The following TMEM131 variants were observed in gnomAD, a reference collection of about 807,000 sequenced individuals.
TMEM131 encodes the protein 2610524E03Rik.
A neutral mutation model predicts 211.6 loss-of-function variants in TMEM131; 66 were observed. The ratio of observed to expected loss-of-function variants is 0.31; its 90% CI spans 0.26 to 0.38. The LOEUF is 0.38. Ranked by LOEUF, TMEM131 falls within the 10% of genes least tolerant of loss-of-function variation. The pLI is 1.00. For missense variants in TMEM131, 2,036 were observed against 2,299.3 expected, an observed-to-expected ratio of 0.89 and a Z score of 2.34; for synonymous variants, 844 against 841.3, an observed-to-expected ratio of 1.00 and a Z score of -0.06.
intron 1 of TMEM131, among the ~76,000 whole-genome samples, chr2:97,936,357 G>A (rs1275894199): frequency 7.9e-5 from 12 of 152,222 alleles, no homozygotes; most frequent in Admixed American, 3.3e-4. Flanking sequence ...GTGCTCAGAA[G>A]AAACCTGAGA....
At chr2:97,804,832 C>T (rs931194314) in intron 22 of TMEM131, among the ~76,000 whole-genome samples, 5 of 152,176 alleles carry the variant, frequency 3.3e-5, no homozygotes, top group Admixed American at 2.6e-4. Flanking sequence ...ATAAGAACAA[C>T]TTCAAATATT....
chr2:97,875,273 A>AT (rs1674647127), intron 4 of TMEM131, among the ~76,000 whole-genome samples: 1 of 152,186 alleles, frequency 6.6e-6, no homozygotes, highest in African/African-American at 2.4e-5. Context: ...ATAGTGGGAG[A>AT]TTTTAACACC....
intron 1 of TMEM131, among the ~76,000 whole-genome samples, chr2:97,990,669 G>A (rs1680224354): frequency 6.6e-6 from 1 of 152,132 alleles, no homozygotes; most frequent in Non-Finnish European, 1.5e-5. Flanking sequence ...AGCAACATGT[G>A]GGGAAGAAAA....
At chr2:97,775,101 T>TTA (rs1295827442) in intron 32 of TMEM131, among the ~76,000 whole-genome samples, 1 of 152,148 alleles carries the variant, frequency 6.6e-6, no homozygotes, top group Non-Finnish European at 1.5e-5. Flanking sequence ...TGAAATCCAT[T>TTA]TATCTAAAAA....
intron 31 of TMEM131, among the ~76,000 whole-genome samples, chr2:97,784,553 G>T (rs1021239369): frequency 6.6e-6 from 1 of 151,910 alleles, no homozygotes; most frequent in Admixed American, 6.6e-5. Flanking sequence ...GGAAGGGAAT[G>T]AAACTGAAAG....
chr2:97,908,682 C>T lies in TMEM131; in HGVS notation c.266G>A (p.Gly89Glu), dbSNP rs1676171407. The change falls in exon 3 of 41, where the codon GGA becomes GAA. Residue 89 changes from glycine (G) to glutamate (E), a missense_variant. By Grantham distance (98) the Gly-to-Glu change is moderately conservative. Around this residue, in one of 3 missense-constraint regions of TMEM131, gnomAD observed 277 missense variants for 378.0 expected, o/e 0.73. Coordinates refer to ENST00000186436, the MANE Select transcript of TMEM131 (RefSeq NM_015348.2). ...CCTTTTCTGCTGATATGAACTGAGT[C>T]CAAGTGTTGTCTCGGTCTGTAAAAG... ...GGLLQTETTLGLSSYQQKSIS... is the reference protein window; with the variant it reads ...GGLLQTETTLELSSYQQKSIS... The T allele has an allele frequency of 6.2e-7, 1 of 1,604,290 alleles. No individual in the cohort carries two copies. The highest frequency in any genetic ancestry group is 1.7e-5 in the Admixed American group (1 of 59,702).
rs780458433 is a variant in TMEM131, at chr2:97,895,475, T to C, written c.291-7355A>G. On this transcript the variant is annotated intron_variant, in intron 3 of 40. Coordinates refer to ENST00000186436, the MANE Select transcript of TMEM131 (RefSeq NM_015348.2). The stretch of plus-strand genomic sequence containing the variant: ...CTCCTCTTTGTACCTCTGGTTGAAT[T>C]TGGTTGTGAATCTGTCTGGTCTTGG... 1.1e-4 allele frequency among the ~76,000 whole-genome samples: 17 copies of C among 152,248 alleles called. 1 individual carries two copies. Among genetic ancestry groups the C allele is most frequent in the African/African-American group, 3.9e-4 (16 of 41,532 alleles).
At chr2:97,799,656 G>A (rs1680931548) in intron 25 of TMEM131, among the ~76,000 whole-genome samples, 1 of 152,192 alleles carries the variant, frequency 6.6e-6, no homozygotes, top group African/African-American at 2.4e-5. Flanking sequence ...TGAGCCTGGT[G>A]GTTAGATTAG....
At chr2:97,770,519 C>T (rs2104796371) in intron 33 of TMEM131, among the ~76,000 whole-genome samples, 2 of 152,276 alleles carry the variant, frequency 1.3e-5, no homozygotes, top group Admixed American at 1.3e-4. Context: ...CAGGACTGAC[C>T]ACTCTAAGCT....
intron 1 of TMEM131, among the ~76,000 whole-genome samples, chr2:97,976,849 A>G (rs1030839950): frequency 1.3e-5 from 2 of 151,958 alleles, no homozygotes; most frequent in Admixed American, 6.6e-5. Flanking sequence ...AAACTCACAC[A>G]TGTACATGCA....
In TMEM131 at chr2:97,872,126, C is replaced by T. The variant is rs149803640; in HGVS notation, c.360-12699G>A. ...ACAAAAAGTCTGAAAACAAAGAAAG[C>T]TAATTTGATCTGTTTATTGTGAAAC... On this transcript the variant is annotated intron_variant, in intron 4 of 40. Transcript: ENST00000186436. 5.9e-5 allele frequency among the ~76,000 whole-genome samples: 9 copies of T among 152,150 alleles called. No individual in the cohort carries two copies. In the East Asian group the frequency reaches 1.5e-3, roughly 26 times the overall value.
intron 30 of TMEM131, 29 bp from the exon 31 acceptor site, chr2:97,793,013 A>C (rs1680579418): frequency 6.3e-6 from 9 of 1,429,006 alleles, no homozygotes; most frequent in Admixed American, 2.7e-5. Flanking sequence ...GCAGATCAGT[A>C]AATAGCAACC....
intron 3 of TMEM131, among the ~76,000 whole-genome samples, chr2:97,900,007 G>A (rs1675781694): frequency 6.6e-6 from 1 of 152,002 alleles, no homozygotes; most frequent in African/African-American, 2.4e-5. Context: ...AGTCAAAAAT[G>A]TATTTAATAC....
intron 4 of TMEM131, among the ~76,000 whole-genome samples, chr2:97,887,136 A>G (rs1285312580): frequency 1.3e-5 from 2 of 152,090 alleles, no homozygotes; most frequent in Non-Finnish European, 2.9e-5. Context: ...TGTCTGCCCT[A>G]TGGGGCTGTT....
chr2:97,975,455 G>T (rs1438327343), intron 1 of TMEM131, among the ~76,000 whole-genome samples: 1 of 152,078 alleles, frequency 6.6e-6, no homozygotes, highest in African/African-American at 2.4e-5. Context: ...CATTACAGTT[G>T]CTACAAATAT....
chr2:97,874,021 G>C (rs781010013), intron 4 of TMEM131, among the ~76,000 whole-genome samples: 17 of 152,266 alleles, frequency 1.1e-4, no homozygotes, highest in Non-Finnish European at 2.4e-4. Context: ...GTGTAGAGAA[G>C]AACATAAATG....
intron 11 of TMEM131, among the ~76,000 whole-genome samples, chr2:97,832,315 G>T (rs1005977097): frequency 6.6e-6 from 1 of 152,152 alleles, no homozygotes; most frequent in Non-Finnish European, 1.5e-5. Flanking sequence ...AAAGATACTT[G>T]TTTCAGTCCA....
chr2:97,779,611 A>C (rs771822951), intron 31 of TMEM131, among the ~76,000 whole-genome samples: 7 of 152,338 alleles, frequency 4.6e-5, no homozygotes, highest in Non-Finnish European at 8.8e-5. Context: ...ACCTTGTTAG[A>C]AATGCAAATT....
At chr2:97,871,325 AAC>A (rs1674480970) in intron 4 of TMEM131, among the ~76,000 whole-genome samples, 1 of 152,216 alleles carries the variant, frequency 6.6e-6, no homozygotes, top group African/African-American at 2.4e-5. Flanking sequence ...AGGCAAAGCT[AAC>A]TTTGGGAGGA....
Sources: allele counts gnomAD v4.1 joint callset (sites outside exome capture counted in the v4.1 genomes callset), GRCh38; gene constraint gnomAD v4.1.1; regional missense constraint gnomAD v4.1.1; transcripts MANE v1.5; gene names NCBI Gene and HGNC (gene_info 2026-07-23, HGNC 2026-07-21).